The following IGSF21 variants were observed in gnomAD, a reference collection of about 807,000 sequenced individuals.
IGSF21 encodes immunoglobulin superfamily member 21.
In IGSF21, 28 loss-of-function variants were observed where a neutral mutation model predicts 46.8. The ratio of observed to expected loss-of-function variants is 0.60; its 90% CI spans 0.44 to 0.82. The LOEUF is 0.82. IGSF21 is among the 40% of genes least tolerant of loss of function. The pLI, the probability that IGSF21 is intolerant of heterozygous loss-of-function variation, is 0.00. For missense variants in IGSF21, 624 were observed against 665.5 expected (o/e 0.94, Z 0.69); for synonymous variants, 284 against 273.6 (o/e 1.04, Z -0.38).
rs1041310536 is a variant in IGSF21, at chr1:18,164,837, A to T, written c.70+56639A>T. Among the ~76,000 whole-genome samples the T allele has an allele frequency of 4.3e-4, 64 of 149,718 alleles. 1 individual carries two copies. Among genetic ancestry groups the T allele is most frequent in the African/African-American group, 1.6e-3 (64 of 40,680 alleles). On this transcript the variant is annotated intron_variant, in intron 1 of 9. Coordinates refer to ENST00000251296, the MANE Select transcript of IGSF21 (RefSeq NM_032880.5). The stretch of plus-strand genomic sequence containing the variant: ...ACCATGTTGGTTTGCTGCACCCATT[A>T]ACTCGTCATTTACATTAGGTATATT...
intron 3 of IGSF21, among the ~76,000 whole-genome samples, chr1:18,305,076 G>A (rs1448690353): frequency 6.6e-6 from 1 of 152,212 alleles, no homozygotes; most frequent in Non-Finnish European, 1.5e-5. Flanking sequence ...GGAAGGTCTG[G>A]TGAGCCTGAA....
At chr1:18,370,405 G>A (rs12737506) in intron 6 of IGSF21, among the ~76,000 whole-genome samples, 32,958 of 152,028 alleles carry the variant, frequency 0.22, 4,260 homozygotes, top group Non-Finnish European at 0.29. Flanking sequence ...TAGGCATAAG[G>A]AAAAATTAAA....
chr1:18,358,941 C>T (rs577606130), intron 4 of IGSF21, among the ~76,000 whole-genome samples: 2 of 152,256 alleles, frequency 1.3e-5, no homozygotes, highest in East Asian at 3.9e-4. Context: ...AGGTAACTTA[C>T]ATGTGCCATC....
At chr1:18,139,484 G>A (rs1256291179) in intron 1 of IGSF21, among the ~76,000 whole-genome samples, 2 of 152,154 alleles carry the variant, frequency 1.3e-5, no homozygotes, top group East Asian at 3.9e-4. Flanking sequence ...AGAGCTTCTT[G>A]CTCCCATTCC....
chr1:18,307,342 G>A (rs897018047), intron 3 of IGSF21, among the ~76,000 whole-genome samples: 13 of 152,118 alleles, frequency 8.5e-5, no homozygotes, highest in African/African-American at 3.1e-4. Context: ...TGAGATCTGA[G>A]GACTAATAAT....
At chr1:18,158,795 G>A (rs987950598) in intron 1 of IGSF21, among the ~76,000 whole-genome samples, 1 of 152,214 alleles carries the variant, frequency 6.6e-6, no homozygotes, top group Non-Finnish European at 1.5e-5. Flanking sequence ...TGGGTGATAG[G>A]CATTGAGAAA....
At chr1:18,206,170 TG>T (rs2084319735) in intron 1 of IGSF21, among the ~76,000 whole-genome samples, 1 of 152,198 alleles carries the variant, frequency 6.6e-6, no homozygotes, top group South Asian at 2.1e-4. Flanking sequence ...CATTTGAGAC[TG>T]GGTAGTCAAG....
chr1:18,312,028 C>A (rs2085493503), intron 3 of IGSF21, among the ~76,000 whole-genome samples: 2 of 152,160 alleles, frequency 1.3e-5, no homozygotes, highest in South Asian at 4.1e-4. Context: ...CTCCAAAATG[C>A]CACCCCATCA....
intron 1 of IGSF21, among the ~76,000 whole-genome samples, chr1:18,219,417 G>A (rs115364106): frequency 2.5e-3 from 383 of 152,320 alleles, no homozygotes; most frequent in African/African-American, 8.7e-3. Flanking sequence ...AATTCAGAGT[G>A]AGGGGAGCTG....
intron 3 of IGSF21, among the ~76,000 whole-genome samples, chr1:18,299,219 C>T (rs1457828978): frequency 6.6e-6 from 1 of 152,138 alleles, no homozygotes; most frequent in Non-Finnish European, 1.5e-5. Context: ...AGTGGCAAGA[C>T]CACTCTATGG....
intron 1 of IGSF21, among the ~76,000 whole-genome samples, chr1:18,157,661 G>T (rs2086580593): frequency 6.6e-6 from 1 of 152,198 alleles, no homozygotes; most frequent in Non-Finnish European, 1.5e-5. Flanking sequence ...CTTCCTCCCA[G>T]CTGCAGCCAC....
At chr1:18,359,387 G>GAAAGAAAGAAAGAAAGAA (rs1557659651) in intron 4 of IGSF21, among the ~76,000 whole-genome samples, 2 of 33,858 alleles carry the variant, frequency 5.9e-5, no homozygotes, top group Non-Finnish European at 1.2e-4. Flanking sequence ...AGAAAGAAAG[G>GAAAGAAAGAAAGAAAGAA]AAGGAAGGAA....
At chr1:18,183,807 C>T (rs372515262) in intron 1 of IGSF21, among the ~76,000 whole-genome samples, 1 of 151,814 alleles carries the variant, frequency 6.6e-6, no homozygotes, top group Non-Finnish European at 1.5e-5. Flanking sequence ...GCGGGTGGTG[C>T]GGGGGGAAGC....
At chr1:18,373,971 G>A (rs2086254814) in intron 6 of IGSF21, among the ~76,000 whole-genome samples, 1 of 152,172 alleles carries the variant, frequency 6.6e-6, no homozygotes, top group Admixed American at 6.5e-5. Flanking sequence ...GAAGGAGTAA[G>A]GCAAGCCCTT....
At chr1:18,318,621 G>A (rs537192691) in intron 3 of IGSF21, among the ~76,000 whole-genome samples, 1 of 152,124 alleles carries the variant, frequency 6.6e-6, no homozygotes, top group Admixed American at 6.5e-5. Context: ...TCCATGGCAG[G>A]ATCATCCCTG....
chr1:18,167,553 C>T (rs1223832775), intron 1 of IGSF21, among the ~76,000 whole-genome samples: 1 of 152,128 alleles, frequency 6.6e-6, no homozygotes, highest in Admixed American at 6.5e-5. Context: ...TTAGTGCCCT[C>T]CACCACCCAC....
chr1:18,345,729 T>G (rs756395187), intron 4 of IGSF21, among the ~76,000 whole-genome samples: 6 of 152,120 alleles, frequency 3.9e-5, no homozygotes, highest in Non-Finnish European at 5.9e-5. Flanking sequence ...GGGACTGTTC[T>G]GCTTAACACC....
intron 2 of IGSF21, among the ~76,000 whole-genome samples, chr1:18,265,454 T>G (rs1326673695): frequency 6.6e-6 from 1 of 152,202 alleles, no homozygotes. Context: ...CCTGCAAGCT[T>G]CCATTCTGGG....
intron 2 of IGSF21, among the ~76,000 whole-genome samples, chr1:18,286,914 G>A (rs2085216899): frequency 6.6e-6 from 1 of 152,190 alleles, no homozygotes. Context: ...AGGCACAGTG[G>A]CTCACGCCTG....
Sources: allele counts gnomAD v4.1 joint callset (sites outside exome capture counted in the v4.1 genomes callset), GRCh38; gene constraint gnomAD v4.1.1; transcripts MANE v1.5; gene names NCBI Gene and HGNC (gene_info 2026-07-23, HGNC 2026-07-21).